The following IMMP1L variants were observed in gnomAD, a reference collection of about 807,000 sequenced individuals.
The protein encoded by IMMP1L is inner mitochondrial membrane peptidase subunit 1, also known as mitochondrial inner membrane protease subunit 1.
In IMMP1L, 24 loss-of-function variants were observed where a neutral mutation model predicts 21.8. The observed-to-expected ratio is 1.10, with a 90% CI of 0.80 to 1.55. The LOEUF (loss-of-function observed/expected upper bound fraction) is 1.55. Ranked by LOEUF, IMMP1L falls within the 40% of genes most tolerant of loss-of-function variation. IMMP1L has a pLI of 0.00. For missense variants in IMMP1L, 195 were observed against 200.7 expected, an observed-to-expected ratio of 0.97 and a Z score of 0.17; for synonymous variants, 46 against 62.8, an observed-to-expected ratio of 0.73 and a Z score of 1.26.
intron 1 of IMMP1L, among the ~76,000 whole-genome samples, chr11:31,470,434 CAA>C (rs1027463461): frequency 7.8e-6 from 1 of 128,086 alleles, no homozygotes; most frequent in African/African-American, 3.0e-5. Context: ...AAACAAAAAA[CAA>C]AAAAAAAAAG....
chr11:31,450,741 T>A (rs565430862), intron 4 of IMMP1L, among the ~76,000 whole-genome samples: 2 of 152,150 alleles, frequency 1.3e-5, no homozygotes, highest in African/African-American at 4.8e-5. Context: ...AGTTGTAACA[T>A]CATGCATTTA....
intron 1 of IMMP1L, among the ~76,000 whole-genome samples, chr11:31,500,566 T>C (rs960283742): frequency 6.7e-6 from 1 of 148,412 alleles, no homozygotes; most frequent in African/African-American, 2.5e-5. Context: ...CACTCCTCTC[T>C]CCCCTCCAAA....
At chr11:31,453,419 C>T (rs1953825953) in intron 4 of IMMP1L, among the ~76,000 whole-genome samples, 1 of 152,136 alleles carries the variant, frequency 6.6e-6, no homozygotes. Context: ...TTAAGCAGCT[C>T]AATCAAGATA....
intron 4 of IMMP1L, among the ~76,000 whole-genome samples, chr11:31,451,608 G>C (rs889271098): frequency 6.6e-6 from 1 of 152,150 alleles, no homozygotes; most frequent in Non-Finnish European, 1.5e-5. Context: ...TTTTGGGACA[G>C]AAAATCAGGA....
At chr11:31,473,673 G>A (rs752755296) in intron 1 of IMMP1L, 41 of 746,594 alleles carry the variant, frequency 5.5e-5, no homozygotes, top group Non-Finnish European at 6.7e-5. Flanking sequence ...CTGGGCATAG[G>A]CATCCAATTC....
intron 4 of IMMP1L, among the ~76,000 whole-genome samples, chr11:31,439,593 T>C (rs1432488013): frequency 6.6e-6 from 1 of 152,208 alleles, no homozygotes; most frequent in Admixed American, 6.5e-5. Flanking sequence ...TCTTCACATA[T>C]CTGGTAATTT....
intron 4 of IMMP1L, among the ~76,000 whole-genome samples, chr11:31,438,181 A>G (rs979321080): frequency 6.6e-6 from 1 of 152,168 alleles, no homozygotes; most frequent in African/African-American, 2.4e-5. Context: ...CAACCAATGT[A>G]TGACTGTGTT....
At chr11:31,485,703 C>T (rs1486984366) in intron 1 of IMMP1L, among the ~76,000 whole-genome samples, 2 of 151,686 alleles carry the variant, frequency 1.3e-5, no homozygotes, top group Non-Finnish European at 3.0e-5. Flanking sequence ...AATTACCTAA[C>T]AAATGTAAAA....
intron 1 of IMMP1L, among the ~76,000 whole-genome samples, chr11:31,508,437 T>C (rs1037707358): frequency 1.3e-5 from 2 of 152,214 alleles, no homozygotes; most frequent in African/African-American, 4.8e-5. Flanking sequence ...AGATTCAATA[T>C]GAAAGCAACC....
intron 4 of IMMP1L, among the ~76,000 whole-genome samples, chr11:31,436,922 CAT>C (rs1390695504): frequency 6.6e-6 from 1 of 152,172 alleles, no homozygotes; most frequent in Non-Finnish European, 1.5e-5. Context: ...GAAATCCATA[CAT>C]GTTAATGACC....
At chr11:31,443,680 T>C (rs1475522064) in intron 4 of IMMP1L, among the ~76,000 whole-genome samples, 5 of 152,172 alleles carry the variant, frequency 3.3e-5, no homozygotes, top group Non-Finnish European at 7.3e-5. Context: ...ATACGTACTA[T>C]TTCTATACGG....
chr11:31,498,284 T>C (rs1039312128), intron 1 of IMMP1L, among the ~76,000 whole-genome samples: 3 of 152,184 alleles, frequency 2.0e-5, no homozygotes, highest in Non-Finnish European at 4.4e-5. Flanking sequence ...ACTATAAAAT[T>C]AAAATTCTAA....
At chr11:31,496,116 C>CAAAAA (rs202164021) in intron 1 of IMMP1L, among the ~76,000 whole-genome samples, 1 of 88,580 alleles carries the variant, frequency 1.1e-5, no homozygotes, top group Non-Finnish European at 2.1e-5. Flanking sequence ...CAAAAACCCG[C>CAAAAA]AAAAAAAAAA....
intron 4 of IMMP1L, among the ~76,000 whole-genome samples, chr11:31,442,503 T>C (rs1465927790): frequency 1.3e-5 from 2 of 152,212 alleles, no homozygotes; most frequent in South Asian, 2.1e-4. Context: ...GGCTAAAAAA[T>C]AGTTGTATGT....
At chr11:31,497,386 TA>T (rs1200212310) in intron 1 of IMMP1L, among the ~76,000 whole-genome samples, 2 of 152,032 alleles carry the variant, frequency 1.3e-5, no homozygotes, top group Non-Finnish European at 2.9e-5. Flanking sequence ...TCACTGAGAG[TA>T]GAATACAGGT....
intron 3 of IMMP1L, among the ~76,000 whole-genome samples, chr11:31,458,809 A>G (rs1402812974): frequency 6.6e-6 from 1 of 152,218 alleles, no homozygotes; most frequent in Non-Finnish European, 1.5e-5. Flanking sequence ...ATCTTCAAAG[A>G]ATCTGAATTC....
intron 4 of IMMP1L, chr11:31,453,176 A>G (rs2133615149): frequency 1.8e-6 from 2 of 1,100,480 alleles, no homozygotes; most frequent in Middle Eastern, 2.8e-4. Flanking sequence ...CAAACAAACA[A>G]AAAAGAACTC....
chr11:31,456,520 A>T, intron 3 of IMMP1L, 134 bp from the exon 4 acceptor site: 1 of 523,584 alleles, frequency 1.9e-6, no homozygotes, highest in Non-Finnish European at 3.2e-6. Context: ...TTACTCTTCC[A>T]CACATTTACT....
chr11:31,488,365 T>C (rs976311278), intron 1 of IMMP1L: 1 of 152,162 alleles, frequency 6.6e-6, no homozygotes, highest in Admixed American at 6.5e-5. Context: ...AATGGGTCCA[T>C]GAGATCTTGA....
Sources: gnomAD v4.1 joint callset for allele counts (sites outside exome capture counted in the v4.1 genomes callset) on GRCh38, gnomAD v4.1.1 for gene constraint, MANE v1.5 for transcripts, NCBI Gene and HGNC (gene_info 2026-07-23, HGNC 2026-07-21) for gene names.